The following LRBA variants were observed in gnomAD, a reference collection of about 807,000 sequenced individuals.
The protein encoded by LRBA is lipopolysaccharide-responsive and beige-like anchor protein.
A neutral mutation model predicts 330.0 loss-of-function variants in LRBA; 176 were observed. The observed-to-expected ratio is 0.53, with a 90% confidence interval of 0.47 to 0.60. LRBA has a LOEUF of 0.60. Among genes scored for constraint, LRBA ranks in the 20% least tolerant of loss-of-function variants. The pLI is 0.00. For missense variants in LRBA, 3,259 were observed against 3,444.8 expected, an observed-to-expected ratio of 0.95 and a Z score of 1.35; for synonymous variants, 1,230 against 1,193.0, an observed-to-expected ratio of 1.03 and a Z score of -0.64.
intron 37 of LRBA, among the ~76,000 whole-genome samples, chr4:150,657,250 T>C (rs879315903): frequency 5.3e-5 from 8 of 152,324 alleles, no homozygotes; most frequent in Non-Finnish European, 1.0e-4. Flanking sequence ...ACGCTTAAAG[T>C]GTATTTTTTA....
rs1317169667 is a variant in LRBA at position 150,323,878 on chromosome 4, G to C, written c.7452+1931C>G. Among the ~76,000 whole-genome samples the C allele has an allele frequency of 2.6e-5, 4 of 152,302 alleles. No homozygotes were observed. The South Asian group carries it at 8.3e-4, about 32-fold the overall frequency. On this transcript the variant is annotated intron_variant, in intron 49 of 56. Transcript: ENST00000651943. Reference sequence around the variant, plus strand: ...GCCTCTTTTAATACTGGGTACCTCTGTGAGCCAAGGCTGGGGTACAAGTAG... The same window carrying C: ...GCCTCTTTTAATACTGGGTACCTCTCTGAGCCAAGGCTGGGGTACAAGTAG...
chr4:150,666,437 G>A (rs1408896120), intron 37 of LRBA, among the ~76,000 whole-genome samples: 1 of 151,950 alleles, frequency 6.6e-6, no homozygotes, highest in East Asian at 1.9e-4. Context: ...GCTTGAACCT[G>A]GGAGGTGGAG....
intron 47 of LRBA, among the ~76,000 whole-genome samples, chr4:150,393,945 C>G (rs763465519): frequency 1.3e-5 from 2 of 152,196 alleles, no homozygotes; most frequent in Non-Finnish European, 2.9e-5. Context: ...CATGTTTTCA[C>G]AAGAGTAATA....
intron 22 of LRBA, among the ~76,000 whole-genome samples, chr4:150,865,973 C>T (rs1211587484): frequency 6.6e-6 from 1 of 152,168 alleles, no homozygotes; most frequent in African/African-American, 2.4e-5. Context: ...GCCTTGGCCT[C>T]CCAAAGTGCT....
intron 2 of LRBA, among the ~76,000 whole-genome samples, chr4:150,973,144 CTGTCTGTT>C (rs1394816429): frequency 1.0e-3 from 128 of 128,254 alleles, no homozygotes; most frequent in African/African-American, 3.3e-3. Flanking sequence ...AATATTTTGT[CTGTCTGTT>C]TGTTTGTTTG....
At chr4:150,450,696 T>TA (rs1311632434) in intron 44 of LRBA, among the ~76,000 whole-genome samples, 9 of 152,210 alleles carry the variant, frequency 5.9e-5, no homozygotes, top group Admixed American at 2.6e-4. Flanking sequence ...ATTCAACCCA[T>TA]AACATGTACC....
In LRBA at chr4:150,849,521, A is replaced by C. The variant is rs767220226; in HGVS notation, c.4059T>G (p.Phe1353Leu). Reference protein sequence around the residue: ...DFVNSSDNVIFVHNTIHLISQ... With the variant: ...DFVNSSDNVILVHNTIHLISQ... Reference sequence around the variant, plus strand: ...AGATGAGATGAATTGTGTTGTGTACAAAGATGACATTATCACTGCTATTCA... The same window carrying C: ...AGATGAGATGAATTGTGTTGTGTACCAAGATGACATTATCACTGCTATTCA... The change falls in exon 25 of 57, where the codon TTT (phenylalanine) becomes TTG (leucine). Residue 1353 changes from phenylalanine to leucine, a missense_variant. By Grantham distance (22) the Phe-to-Leu change is conservative (BLOSUM62 0). Coordinates refer to ENST00000651943, the MANE Select transcript of LRBA (RefSeq NM_001364905.1). The C allele has an allele frequency of 2.5e-6, 4 of 1,613,322 alleles. No homozygotes were observed. Among genetic ancestry groups the C allele is most frequent in the Admixed American group, 1.7e-5 (1 of 60,008 alleles).
intron 35 of LRBA, among the ~76,000 whole-genome samples, chr4:150,761,423 A>C (rs998642950): frequency 2.0e-5 from 3 of 152,234 alleles, no homozygotes; most frequent in African/African-American, 7.2e-5. Flanking sequence ...GTGATATAAG[A>C]AAGATAATAT....
intron 13 of LRBA, among the ~76,000 whole-genome samples, chr4:150,904,217 C>A (rs112568902): frequency 1.2e-4 from 19 of 152,294 alleles, no homozygotes; most frequent in African/African-American, 4.3e-4. Flanking sequence ...AATGTTTCTT[C>A]CAAGACCCTA....
intron 48 of LRBA, among the ~76,000 whole-genome samples, chr4:150,328,269 A>G (rs1022045592): frequency 6.6e-6 from 1 of 152,322 alleles, no homozygotes; most frequent in Admixed American, 6.5e-5. Context: ...ATGGAATCCA[A>G]CGTGATAGTG....
intron 55 of LRBA, among the ~76,000 whole-genome samples, chr4:150,280,043 A>C (rs1580882216): frequency 6.6e-6 from 1 of 152,328 alleles, no homozygotes; most frequent in Middle Eastern, 3.4e-3. Flanking sequence ...GAAATTAAGT[A>C]AAACCTGGGC....
At chr4:150,555,756 AAC>A (rs34497958) in intron 40 of LRBA, among the ~76,000 whole-genome samples, 178 of 144,562 alleles carry the variant, frequency 1.2e-3, no homozygotes, top group East Asian at 3.3e-3. Flanking sequence ...GTCTTATAAA[AAC>A]ACACACACAC....
chr4:150,861,964 G>C (rs1751997832), intron 22 of LRBA, among the ~76,000 whole-genome samples: 2 of 148,796 alleles, frequency 1.3e-5, no homozygotes, highest in Admixed American at 6.7e-5. Flanking sequence ...CTGGGCAACA[G>C]AGCAAGACTC....
At chr4:150,453,656 A>G (rs1240375358) in intron 44 of LRBA, among the ~76,000 whole-genome samples, 1 of 152,152 alleles carries the variant, frequency 6.6e-6, no homozygotes, top group Non-Finnish European at 1.5e-5. Context: ...GCAGCTTTCA[A>G]CTTTTCCTGT....
In LRBA at chr4:150,325,803, A is replaced by G; in HGVS notation, c.7452+6T>C. 1.3e-6 allele frequency: 2 copies of G among 1,596,618 alleles called. No homozygotes were observed. Among genetic ancestry groups the G allele is most frequent in the Non-Finnish European group, 1.7e-6 (2 of 1,164,254 alleles). ...AAGAAATGAGGAGAGTAAAAATAGC[A>G]CTTACCACTTGCATGGCAGAACCTC... is the stretch of plus-strand genomic sequence containing the variant. On this transcript the variant is annotated splice_donor_region_variant and intron_variant, in intron 49 of 56. Coordinates refer to ENST00000651943, the MANE Select transcript of LRBA (RefSeq NM_001364905.1).
At chr4:150,730,404 CG>C (rs1440023682) in intron 36 of LRBA, among the ~76,000 whole-genome samples, 5 of 152,168 alleles carry the variant, frequency 3.3e-5, no homozygotes, top group Non-Finnish European at 5.9e-5. Context: ...GTGTTCAGGC[CG>C]GGTGCAGTGG....
chr4:150,631,520 A>C (rs1000811797), intron 37 of LRBA, among the ~76,000 whole-genome samples: 2 of 152,238 alleles, frequency 1.3e-5, no homozygotes, highest in Non-Finnish European at 2.9e-5. Flanking sequence ...AAATGTTTTA[A>C]GATGAGAATA....
chr4:150,915,709 C>T lies in LRBA; in HGVS notation c.913G>A (p.Val305Ile), dbSNP rs141193241. Residue 305 changes from valine (V) to isoleucine (I), a missense_variant, in exon 8 of 57, where the codon GTA becomes ATA. Val to Ile is a conservative substitution (Grantham distance 29). Transcript: ENST00000651943. ...TTCTTCCATCGGTTATAGATGTGTA[C>T]TATGGTAACCATATACCACTGCAGA... ...KPQKWYMVTI[V>I]HIYNRWKNSE... 32 of 1,608,362 alleles carry T rather than the reference C, an allele frequency of 2.0e-5. No homozygotes were observed. The highest frequency in any genetic ancestry group is 2.6e-5 in the Non-Finnish European group (31 of 1,178,088).
At chr4:150,774,300 T>C (rs1041014115) in intron 34 of LRBA, among the ~76,000 whole-genome samples, 1 of 152,178 alleles carries the variant, frequency 6.6e-6, no homozygotes, top group East Asian at 1.9e-4. Context: ...GAATTTGGCA[T>C]CTGCTGACAA....
Sources: gnomAD v4.1 joint callset for allele counts (sites outside exome capture counted in the v4.1 genomes callset) on GRCh38, gnomAD v4.1.1 for gene constraint, MANE v1.5 for transcripts, NCBI Gene and HGNC (gene_info 2026-07-23, HGNC 2026-07-21) for gene names.